The following SUCO variants were observed in gnomAD, a reference collection of about 807,000 sequenced individuals.
SUCO encodes SUN domain-containing ossification factor.
SUCO carries 57 observed loss-of-function variants against 148.1 expected under a neutral mutation model. That is an observed-to-expected ratio of 0.38 (90% CI 0.31 to 0.48). The LOEUF is 0.48. Ranked by LOEUF, SUCO falls within the 20% of genes least tolerant of loss-of-function variation. The pLI, the probability that SUCO is intolerant of heterozygous loss-of-function variation, is 0.96. For missense variants in SUCO, 1,331 were observed against 1,468.2 expected, an observed-to-expected ratio of 0.91 and a Z score of 1.53; for synonymous variants, 470 against 502.7, an observed-to-expected ratio of 0.93 and a Z score of 0.87.
chr1:172,602,465 A>T, intron 21 of SUCO: 1 of 981,184 alleles, frequency 1.0e-6, no homozygotes, highest in Non-Finnish European at 1.2e-6. Context: ...GTTGAGAAAG[A>T]TGCTTAAATG....
intron 1 of SUCO, among the ~76,000 whole-genome samples, chr1:172,548,090 T>TA: frequency 6.6e-6 from 1 of 152,198 alleles, no homozygotes; most frequent in Admixed American, 6.5e-5. Context: ...CGGTTTGAAT[T>TA]TTCTCCTGTG....
intron 1 of SUCO, among the ~76,000 whole-genome samples, chr1:172,541,151 T>C (rs1652425315): frequency 6.6e-6 from 1 of 152,202 alleles, no homozygotes; most frequent in South Asian, 2.1e-4. Flanking sequence ...AACAATGTTG[T>C]ATAACAGCTA....
chr1:172,583,484 C>G (rs79932470), intron 15 of SUCO, among the ~76,000 whole-genome samples: 10,070 of 152,118 alleles, frequency 0.066, 496 homozygotes, highest in Middle Eastern at 0.12. Flanking sequence ...TTGAAATCTG[C>G]TACTATTTCT....
intron 6 of SUCO, among the ~76,000 whole-genome samples, chr1:172,560,632 C>T (rs1032092684): frequency 6.6e-6 from 1 of 152,180 alleles, no homozygotes; most frequent in Non-Finnish European, 1.5e-5. Context: ...AGAATTAATC[C>T]TATTGCTCAT....
intron 1 of SUCO, chr1:172,544,236 T>G: frequency 7.4e-6 from 4 of 541,940 alleles, no homozygotes; most frequent in Non-Finnish European, 9.4e-6. Context: ...TTGCCTAGTT[T>G]AGTTATTTCT....
At chr1:172,600,695 AAT>A (rs1491347982) in intron 20 of SUCO, among the ~76,000 whole-genome samples, 2 of 81,938 alleles carry the variant, frequency 2.4e-5, no homozygotes, top group Non-Finnish European at 4.5e-5. Context: ...AAGAAAATTA[AAT>A]GTGTGTGTGT....
intron 6 of SUCO, among the ~76,000 whole-genome samples, chr1:172,566,433 C>G (rs986208803): frequency 2.6e-5 from 4 of 152,206 alleles, no homozygotes; most frequent in African/African-American, 9.7e-5. Context: ...TTCGTGGTCA[C>G]CAGATGATTC....
chr1:172,559,071 A>G (rs1045226845), intron 6 of SUCO, among the ~76,000 whole-genome samples: 1 of 152,130 alleles, frequency 6.6e-6, no homozygotes. Flanking sequence ...CTTCAGAATA[A>G]CTCTGTCCCG....
At chr1:172,546,983 C>G (rs1267835912) in intron 1 of SUCO, among the ~76,000 whole-genome samples, 2 of 152,144 alleles carry the variant, frequency 1.3e-5, no homozygotes, top group Non-Finnish European at 2.9e-5. Flanking sequence ...ATGCATACAC[C>G]TGTGTAACTC....
At chr1:172,548,394 T>C (rs557618467) in intron 1 of SUCO, among the ~76,000 whole-genome samples, 17 of 152,134 alleles carry the variant, frequency 1.1e-4, no homozygotes, top group African/African-American at 4.1e-4. Flanking sequence ...TAATTTTCTT[T>C]GCTGTTTTTT....
At chr1:172,605,977 A>G (rs1021494881) in intron 22 of SUCO, among the ~76,000 whole-genome samples, 2 of 151,406 alleles carry the variant, frequency 1.3e-5, no homozygotes, top group African/African-American at 4.8e-5. Flanking sequence ...ATTATGTGTT[A>G]CCTATTGTCA....
chr1:172,574,573 A>G (rs1655290176), intron 10 of SUCO, among the ~76,000 whole-genome samples: 1 of 152,096 alleles, frequency 6.6e-6, no homozygotes, highest in African/African-American at 2.4e-5. Context: ...AGTCTTTACT[A>G]TGCACTTATT....
At chr1:172,565,137 A>G (rs979389301) in intron 6 of SUCO, among the ~76,000 whole-genome samples, 10 of 152,204 alleles carry the variant, frequency 6.6e-5, no homozygotes, top group African/African-American at 1.2e-4. Flanking sequence ...GCCTATGCAC[A>G]TAAGTAATTT....
rs1342978001 is a variant in SUCO at position 172,533,463 on chromosome 1, C to T, written c.28C>T (p.Leu10=). The T allele has an allele frequency of 1.3e-6, 2 of 1,565,170 alleles. No individual in the cohort carries two copies. Among genetic ancestry groups the T allele is most frequent in the Non-Finnish European group, 1.7e-6 (2 of 1,154,646 alleles). MKKHRRALA[L]VSCLFLCSLV... is the part of the protein sequence containing the mutation. ...GAAGAAGCACCGGCGGGCCTTGGCC[C>T]TGGTCTCCTGCCTCTTTCTGTGCTC... is the stretch of plus-strand genomic sequence containing the variant. Residue 10 remains leucine, a synonymous_variant, in exon 1 of 24, where the codon CTG becomes TTG. Transcript: ENST00000263688.
intron 19 of SUCO, among the ~76,000 whole-genome samples, chr1:172,593,366 A>G (rs1656818680): frequency 6.6e-6 from 1 of 152,146 alleles, no homozygotes; most frequent in Non-Finnish European, 1.5e-5. Context: ...TTTCAAAGGG[A>G]ATGCTTCCAG....
intron 6 of SUCO, among the ~76,000 whole-genome samples, chr1:172,563,656 A>C (rs1419486989): frequency 6.6e-6 from 1 of 152,256 alleles, no homozygotes; most frequent in African/African-American, 2.4e-5. Flanking sequence ...ACGGAAGCAG[A>C]GTATAAAAGT....
At chr1:172,550,221 C>G (rs377279934) in intron 1 of SUCO, among the ~76,000 whole-genome samples, 5 of 151,840 alleles carry the variant, frequency 3.3e-5, no homozygotes, top group African/African-American at 1.2e-4. Context: ...AAAAAGTCTC[C>G]CTTTTTACCA....
intron 1 of SUCO, among the ~76,000 whole-genome samples, chr1:172,540,476 T>A (rs1652368993): frequency 6.6e-6 from 1 of 152,258 alleles, no homozygotes; most frequent in Non-Finnish European, 1.5e-5. Flanking sequence ...CATTCAAGTC[T>A]GTATTACTGT....
At chr1:172,593,968 A>T (rs140488222) in intron 19 of SUCO, among the ~76,000 whole-genome samples, 2,370 of 152,264 alleles carry the variant, frequency 0.016, 60 homozygotes, top group African/African-American at 0.054. Context: ...TTATTGGTCT[A>T]TTCAGAGATT....
Sources: allele counts gnomAD v4.1 joint callset (sites outside exome capture counted in the v4.1 genomes callset), GRCh38; gene constraint gnomAD v4.1.1; transcripts MANE v1.5; gene names NCBI Gene and HGNC (gene_info 2026-07-23, HGNC 2026-07-21).